Variants in ABCC4 observed in about 807,000 individuals in gnomAD.
The protein encoded by ABCC4 is ATP-binding cassette sub-family C member 4.
ABCC4 carries 102 observed loss-of-function variants against 168.5 expected under a neutral mutation model. The ratio of observed to expected loss-of-function variants is 0.61; its 90% CI spans 0.52 to 0.71. The LOEUF is 0.71. ABCC4 is among the 30% of genes least tolerant of loss of function. The pLI, the probability that ABCC4 is intolerant of heterozygous loss-of-function variation, is 0.00. For missense variants in ABCC4, 1,402 were observed against 1,605.8 expected (o/e 0.87, Z 2.17); for synonymous variants, 617 against 590.7 (o/e 1.04, Z -0.65).
rs776064223 is a variant in ABCC4 at position 95,177,983 on chromosome 13, G to A, written c.1640+14C>T. On this transcript the variant is annotated intron_variant, in intron 12 of 30. Transcript: ENST00000645237. Reference sequence around the variant, plus strand: ...AAAAGACACCGGCATAGTGGCTGCTGAAATGCAACTTACCTTGCAAGGTTT... The same window carrying A: ...AAAAGACACCGGCATAGTGGCTGCTAAAATGCAACTTACCTTGCAAGGTTT... The A allele has an allele frequency of 2.5e-6, 4 of 1,613,554 alleles. No individual in the cohort carries two copies. In the East Asian group the frequency reaches 8.9e-5, roughly 36 times the overall value.
intron 1 of ABCC4, among the ~76,000 whole-genome samples, chr13:95,273,473 C>T (rs1032548808): frequency 1.2e-4 from 18 of 152,134 alleles, no homozygotes; most frequent in African/African-American, 3.9e-4. Context: ...CCACCAGTTC[C>T]CTGGAGGAGC....
intron 1 of ABCC4, among the ~76,000 whole-genome samples, chr13:95,248,499 T>C (rs1421542105): frequency 7.1e-6 from 1 of 140,576 alleles, no homozygotes. Flanking sequence ...TTTGAGATTC[T>C]TTTTACTAAA....
At chr13:95,240,531 AACACACACACACAC>A (rs56298285) in intron 3 of ABCC4, among the ~76,000 whole-genome samples, 49,407 of 149,568 alleles carry the variant, frequency 0.33, 8,701 homozygotes, top group South Asian at 0.43. Context: ...TCCATCTCAA[AACACACACACACAC>A]ACACACACAC....
At chr13:95,126,858 T>TTATATATATTTAAGTACACCAAATATA (rs1566444005) in intron 19 of ABCC4, among the ~76,000 whole-genome samples, 81 of 146,430 alleles carry the variant, frequency 5.5e-4, no homozygotes, top group African/African-American at 1.7e-3. Context: ...ATATATATAT[T>TTATATATATTTAAGTACACCAAATATA]TATATATATT....
intron 19 of ABCC4, among the ~76,000 whole-genome samples, chr13:95,119,944 T>TC (rs1159262147): frequency 1.3e-5 from 2 of 152,210 alleles, no homozygotes; most frequent in Non-Finnish European, 2.9e-5. Context: ...AGTGCCTCCC[T>TC]ATGCCCACCC....
At chr13:95,180,762 AAT>A (rs2037863636) in intron 11 of ABCC4, among the ~76,000 whole-genome samples, 1 of 152,206 alleles carries the variant, frequency 6.6e-6, no homozygotes. Flanking sequence ...TCATTCTCAA[AAT>A]AGCATCAAGT....
chr13:95,138,091 T>A (rs542405747), intron 19 of ABCC4, among the ~76,000 whole-genome samples: 3 of 152,352 alleles, frequency 2.0e-5, no homozygotes, highest in East Asian at 1.9e-4. Flanking sequence ...ATGAAACTTT[T>A]AGAAGCTCAA....
Position 95,030,968 on chromosome 13 carries a change from C to G in ABCC4, c.3870+3637G>C, listed in dbSNP as rs1375935468. Among the ~76,000 whole-genome samples the G allele has an allele frequency of 2.0e-5, 3 of 152,236 alleles. No homozygotes were observed. The East Asian group carries it at 5.8e-4, about 29-fold the overall frequency. Reference sequence around the variant, plus strand: ...GCCTGCACCAGCATTTTCAGGAAAGCAACTCCGTGGTCAAGAATACGTGAC... The same window carrying G: ...GCCTGCACCAGCATTTTCAGGAAAGGAACTCCGTGGTCAAGAATACGTGAC... On this transcript the variant is annotated intron_variant, in intron 30 of 30. Transcript: ENST00000645237.
intron 1 of ABCC4, among the ~76,000 whole-genome samples, chr13:95,259,830 GACATGTT>G (rs2040484825): frequency 6.6e-6 from 1 of 150,744 alleles, no homozygotes; most frequent in Non-Finnish European, 1.5e-5. Context: ...AGTAAGATGG[GACATGTT>G]ACATCTGTGT....
intron 12 of ABCC4, 30 bp from the exon 13 acceptor site, chr13:95,177,823 C>T (rs969602982): frequency 1.3e-6 from 2 of 1,580,882 alleles, no homozygotes; most frequent in Non-Finnish European, 1.7e-6. Context: ...ATCAGACTCT[C>T]ACCCAGGAAC....
At position 95,270,068 on chromosome 13, in the gene ABCC4, G is replaced by T. The variant is rs764339014; in HGVS notation, c.75-22315C>A. Reference sequence around the variant, plus strand: ...TTTTCTGTCATAAGAGAGGATAAAGGAAGGGAGGGAGGAAGACGACCAGAA... The same window carrying T: ...TTTTCTGTCATAAGAGAGGATAAAGTAAGGGAGGGAGGAAGACGACCAGAA... On this transcript the variant is annotated intron_variant, in intron 1 of 30. Transcript: ENST00000645237. Among the ~76,000 whole-genome samples the T allele has an allele frequency of 3.9e-5, 6 of 152,234 alleles. No individual in the cohort carries two copies. In the East Asian group the frequency reaches 1.2e-3, roughly 29 times the overall value.
At chr13:95,212,799 A>T (rs914744772) in intron 4 of ABCC4, among the ~76,000 whole-genome samples, 2 of 152,310 alleles carry the variant, frequency 1.3e-5, no homozygotes, top group Admixed American at 1.3e-4. Context: ...TCCAGATAGG[A>T]TAAAAAAAAT....
chr13:95,265,933 C>T lies in ABCC4; in HGVS notation c.75-18180G>A, dbSNP rs576749939. 1.7e-3 allele frequency among the ~76,000 whole-genome samples: 261 copies of T among 152,250 alleles called. 2 individuals carry two copies. Among genetic ancestry groups the T allele is most frequent in the Middle Eastern group, 6.8e-3 (2 of 294 alleles). On this transcript the variant is annotated intron_variant, in intron 1 of 30. Coordinates refer to ENST00000645237, the MANE Select transcript of ABCC4 (RefSeq NM_005845.5). ...AAGGGGCCAAGATTACACAAAAGGT[C>T]GGGCTGTATCTGTCCCCCCCAGTCG...
chr13:95,095,380 G>A (rs1242262347), intron 20 of ABCC4, among the ~76,000 whole-genome samples: 1 of 152,042 alleles, frequency 6.6e-6, no homozygotes, highest in Admixed American at 6.6e-5. Flanking sequence ...TGAACTGACA[G>A]CATTTGCAGT....
chr13:95,136,868 G>A (rs527409304), intron 19 of ABCC4, among the ~76,000 whole-genome samples: 16 of 152,366 alleles, frequency 1.1e-4, no homozygotes, highest in Admixed American at 2.6e-4. Context: ...GCCACTGCCA[G>A]CATGTGCTGC....
intron 26 of ABCC4, among the ~76,000 whole-genome samples, chr13:95,054,404 T>C (rs1447209718): frequency 6.6e-6 from 1 of 151,880 alleles, no homozygotes; most frequent in Non-Finnish European, 1.5e-5. Context: ...TTCTGGTAGC[T>C]GGGTGCGGTG....
At chr13:95,168,522 G>T (rs1001780970) in intron 14 of ABCC4, among the ~76,000 whole-genome samples, 4 of 152,208 alleles carry the variant, frequency 2.6e-5, no homozygotes, top group Non-Finnish European at 5.9e-5. Flanking sequence ...TTGCAATAAT[G>T]TGAAATTTAT....
In ABCC4 at chr13:95,122,382, T is replaced by C. The variant is rs116532058; in HGVS notation, c.2456-6381A>G. 8.3e-3 allele frequency among the ~76,000 whole-genome samples: 1,267 copies of C among 152,324 alleles called. 13 individuals carry two copies. The highest frequency in any genetic ancestry group is 0.027 in the African/African-American group (1,106 of 41,566). On this transcript the variant is annotated intron_variant, in intron 19 of 30. Transcript: ENST00000645237. Reference sequence around the variant, plus strand: ...CTAACTTCTCAAACCCTACCTTAGATCTATGCCTAAACATACAGCATGAAA... The same window carrying C: ...CTAACTTCTCAAACCCTACCTTAGACCTATGCCTAAACATACAGCATGAAA...
chr13:95,236,425 C>T (rs114592667), intron 3 of ABCC4, among the ~76,000 whole-genome samples: 4,684 of 152,262 alleles, frequency 0.031, 256 homozygotes, highest in African/African-American at 0.11. Context: ...TGTTTTCTGT[C>T]CATCTGAAGT....
Sources: gnomAD v4.1 joint callset for allele counts (sites outside exome capture counted in the v4.1 genomes callset) on GRCh38, gnomAD v4.1.1 for gene constraint, MANE v1.5 for transcripts, NCBI Gene and HGNC (gene_info 2026-07-23, HGNC 2026-07-21) for gene names.